The following PMPCB variants were observed in gnomAD, a reference collection of about 807,000 sequenced individuals.
PMPCB encodes peptidase, mitochondrial processing subunit beta, also known as mitochondrial-processing peptidase subunit beta.
A neutral mutation model predicts 61.5 loss-of-function variants in PMPCB; 46 were observed. That is an observed-to-expected ratio of 0.75 (90% CI 0.59 to 0.96). PMPCB has a LOEUF of 0.96. Ranked by LOEUF, PMPCB falls within the 40% of genes least tolerant of loss-of-function variation. PMPCB has a pLI of 0.00. For synonymous variants in PMPCB, 191 were observed against 201.6 expected, an observed-to-expected ratio of 0.95 and a Z score of 0.44; for missense variants, 590 against 602.4, an observed-to-expected ratio of 0.98 and a Z score of 0.22.
At chr7:103,306,782 G>A (rs1230982270) in intron 6 of PMPCB, among the ~76,000 whole-genome samples, 1 of 152,082 alleles carries the variant, frequency 6.6e-6, no homozygotes, top group Non-Finnish European at 1.5e-5. Context: ...TAGAGACAGA[G>A]TCTTGCTCTG....
chr7:103,316,156 A>G, downstream of PMPCB: 2 of 1,020,248 alleles, frequency 2.0e-6, no homozygotes, highest in Middle Eastern at 3.2e-4. Context: ...GACAAAAACC[A>G]TTAGATTTTT....
At chr7:103,310,017 G>A (rs1817692565) in intron 8 of PMPCB, among the ~76,000 whole-genome samples, 1 of 152,164 alleles carries the variant, frequency 6.6e-6, no homozygotes, top group Non-Finnish European at 1.5e-5. Context: ...ATGTAGCCAA[G>A]AGTCCTAGAA....
chr7:103,340,341 G>T, the PMPCB span, among the ~76,000 whole-genome samples: 2 of 152,124 alleles, frequency 1.3e-5, no homozygotes, highest in Non-Finnish European at 2.9e-5. Flanking sequence ...CTTTTAAAAT[G>T]GATGAGGTGG....
At chr7:103,333,881 T>C (rs577408104), downstream of PMPCB, among the ~76,000 whole-genome samples, 1 of 152,338 alleles carries the variant, frequency 6.6e-6, no homozygotes, top group East Asian at 1.9e-4. Flanking sequence ...AGTTTGCTTA[T>C]CTATTTCCAT....
chr7:103,306,904 G>A lies in PMPCB; in HGVS notation c.737-692G>A, dbSNP rs577690794. Among the ~76,000 whole-genome samples, 32 of 152,058 alleles carry A rather than the reference G, an allele frequency of 2.1e-4. No homozygotes were observed. In the East Asian group the frequency reaches 4.4e-3, roughly 21 times the overall value. On this transcript the variant is annotated intron_variant, in intron 6 of 12. Transcript: ENST00000249269. ...CTGAATAGCTGGGATTATTACAGGC[G>A]CCTGCTACCATGCCCAGCTAATTTT...
chr7:103,318,045 CTTCTG>C (rs532302799), downstream of PMPCB, among the ~76,000 whole-genome samples: 276 of 152,306 alleles, frequency 1.8e-3, 3 homozygotes, highest in African/African-American at 6.4e-3. Flanking sequence ...AATGTTGAAC[CTTCTG>C]TTAATCAAAG....
intron 12 of PMPCB, chr7:103,321,861 C>T (rs1359432320): frequency 6.6e-7 from 1 of 1,524,938 alleles, no homozygotes; most frequent in Non-Finnish European, 8.9e-7. Context: ...AACAAACAAA[C>T]AAAAAGAAGT....
intron 3 of PMPCB, among the ~76,000 whole-genome samples, chr7:103,299,780 AT>A (rs1163078721): frequency 1.3e-5 from 2 of 151,646 alleles, no homozygotes; most frequent in African/African-American, 4.8e-5. Flanking sequence ...TTTTTATTTA[AT>A]TTTTTTTGAG....
At chr7:103,327,780 A>G in intron 12 of PMPCB, 1 of 1,528,676 alleles carries the variant, frequency 6.5e-7, no homozygotes, top group Non-Finnish European at 9.0e-7. Flanking sequence ...GATTGAGATA[A>G]TTTGTCACTT....
At chr7:103,323,996 G>A (rs1818566083) in intron 12 of PMPCB, among the ~76,000 whole-genome samples, 1 of 152,110 alleles carries the variant, frequency 6.6e-6, no homozygotes, top group Non-Finnish European at 1.5e-5. Flanking sequence ...CTCATCTCCA[G>A]TTTGTATCCT....
chr7:103,312,698 T>TA lies in PMPCB; in HGVS notation c.*429dup. ...AGTTGCGATTTAAAAACAGACATTT[T>TA]AATCTAGTGTTTGGTGTAAAGAATT... On this transcript the variant is annotated 3_prime_UTR_variant, in exon 13 of 13. Transcript: ENST00000249269. 1 of 1,601,190 alleles carries TA rather than the reference T, an allele frequency of 6.2e-7. No homozygotes were observed. The highest frequency in any genetic ancestry group is 8.5e-7 in the Non-Finnish European group (1 of 1,176,676).
intron 6 of PMPCB, among the ~76,000 whole-genome samples, chr7:103,304,745 G>A (rs998778826): frequency 6.6e-6 from 1 of 152,022 alleles, no homozygotes; most frequent in Non-Finnish European, 1.5e-5. Flanking sequence ...GGCGGATCAC[G>A]AGGTCAGGAG....
At chr7:103,344,870 G>A in the PMPCB span, 1 of 579,734 alleles carries the variant, frequency 1.7e-6, no homozygotes, top group Non-Finnish European at 3.1e-6. Context: ...ACTGAGATCC[G>A]GCTGGAGACC....
chr7:103,340,456 T>A, the PMPCB span, among the ~76,000 whole-genome samples: 1 of 152,236 alleles, frequency 6.6e-6, no homozygotes, highest in Non-Finnish European at 1.5e-5. Context: ...TAGGAACTCT[T>A]ATTATCCATT....
downstream of PMPCB, among the ~76,000 whole-genome samples, chr7:103,331,866 T>A (rs1818987286): frequency 6.6e-6 from 1 of 152,194 alleles, no homozygotes; most frequent in African/African-American, 2.4e-5. Context: ...TTTGGATAAA[T>A]ATCCAGTAGT....
At chr7:103,318,315 G>A (rs1818188743), downstream of PMPCB, among the ~76,000 whole-genome samples, 1 of 152,080 alleles carries the variant, frequency 6.6e-6, no homozygotes, top group Admixed American at 6.6e-5. Flanking sequence ...ACAGGTACAC[G>A]ACACCATGCC....
At chr7:103,298,014 G>T in intron 1 of PMPCB, 1 of 964,726 alleles carries the variant, frequency 1.0e-6, no homozygotes, top group Non-Finnish European at 1.3e-6. Flanking sequence ...TAAGCAAAGG[G>T]ATGTGAGACT....
In PMPCB at chr7:103,313,338, A is replaced by G; in HGVS notation, c.*1067A>G. ...AGGCTTTTAAAACACAATAGTAAAG[A>G]TCTACCTTGTACTGTTTATCTCTTA... On this transcript the variant is annotated 3_prime_UTR_variant, in exon 13 of 13. Transcript: ENST00000249269. 7.9e-7 allele frequency: 1 copy of G among 1,267,044 alleles called. No individual in the cohort carries two copies. The highest frequency in any genetic ancestry group is 2.4e-5 in the South Asian group (1 of 41,548). 78.5% of individuals were successfully genotyped at this position (1,267,044 alleles called of 1,614,324 possible).
In PMPCB at chr7:103,299,435, G is replaced by T. The variant is rs752028824; in HGVS notation, c.241-8G>T. 6.5e-7 allele frequency: 1 copy of T among 1,528,478 alleles called. No homozygotes were observed. 94.7% of individuals were successfully genotyped at this position (1,528,478 alleles called of 1,614,324 possible). ...GAATTTATTTAATTGTTCTTTGATT[G>T]CATTAAGGTTGGACTCTGGATTGAT... On this transcript the variant is annotated splice_polypyrimidine_tract_variant and splice_region_variant and intron_variant, in intron 2 of 12. Transcript: ENST00000249269.
Sources: gnomAD v4.1 joint callset for allele counts (sites outside exome capture counted in the v4.1 genomes callset) on GRCh38, gnomAD v4.1.1 for gene constraint, MANE v1.5 for transcripts, NCBI Gene and HGNC (gene_info 2026-07-23, HGNC 2026-07-21) for gene names.